TMOD2: variants seen among roughly 807,000 people sequenced by gnomAD.
The protein encoded by TMOD2 is tropomodulin-2.
A neutral mutation model predicts 39.9 loss-of-function variants in TMOD2; 22 were observed. The ratio of observed to expected loss-of-function variants is 0.55; its 90% CI spans 0.39 to 0.79. The LOEUF is 0.79. Among genes scored for constraint, TMOD2 ranks in the 30% least tolerant of loss-of-function variants. TMOD2 has a pLI of 0.00. For synonymous variants in TMOD2, 123 were observed against 146.1 expected (o/e 0.84, Z 1.14); for missense variants, 386 against 413.3 (o/e 0.93, Z 0.57).
intron 3 of TMOD2, among the ~76,000 whole-genome samples, chr15:51,772,162 G>A (rs2055857873): frequency 6.6e-6 from 1 of 152,204 alleles, no homozygotes; most frequent in Non-Finnish European, 1.5e-5. Flanking sequence ...CCATAGGAGT[G>A]GGATAAACCA....
chr15:51,793,777 G>C (rs113180399), intron 7 of TMOD2, among the ~76,000 whole-genome samples: 2,020 of 152,262 alleles, frequency 0.013, 30 homozygotes, highest in African/African-American at 0.033. Context: ...CTCGCCAGGA[G>C]GTCCTGCAAC....
chr15:51,806,331 T>C, intron 8 of TMOD2, 46 bp from the exon 9 acceptor site: 1 of 1,605,894 alleles, frequency 6.2e-7, no homozygotes, highest in Non-Finnish European at 8.5e-7. Context: ...AACTGTTTCC[T>C]CTTCCTTCTT....
At chr15:51,782,985 C>G in intron 7 of TMOD2, 157 bp downstream of exon 7, 1 of 613,816 alleles carries the variant, frequency 1.6e-6, no homozygotes, top group South Asian at 2.0e-5. Flanking sequence ...AGTTAAACTT[C>G]AGAACTGAAC....
intron 1 of TMOD2, among the ~76,000 whole-genome samples, chr15:51,763,102 T>A (rs1595862569): frequency 1.9e-5 from 1 of 52,610 alleles, no homozygotes; most frequent in Non-Finnish European, 4.2e-5. Context: ...GCCCAGCTAA[T>A]TTTTAAAAAA....
chr15:51,787,172 T>G (rs1179370387), intron 7 of TMOD2, among the ~76,000 whole-genome samples: 1 of 152,164 alleles, frequency 6.6e-6, no homozygotes, highest in African/African-American at 2.4e-5. Flanking sequence ...ACCAGGAGAT[T>G]CCCTCCTGTG....
intron 8 of TMOD2, among the ~76,000 whole-genome samples, chr15:51,798,563 C>G (rs1281886630): frequency 2.6e-5 from 4 of 152,188 alleles, no homozygotes; most frequent in African/African-American, 9.7e-5. Flanking sequence ...ACATAAAGAG[C>G]CATCTATCCC....
At chr15:51,783,655 G>T (rs1175144814) in intron 7 of TMOD2, 1 of 152,098 alleles carries the variant, frequency 6.6e-6, no homozygotes, top group Non-Finnish European at 1.5e-5. Flanking sequence ...TTAGGAGGCT[G>T]AGGTGAGACA....
chr15:51,760,778 C>T (rs2055775239), intron 1 of TMOD2, among the ~76,000 whole-genome samples: 1 of 151,920 alleles, frequency 6.6e-6, no homozygotes, highest in Non-Finnish European at 1.5e-5. Context: ...TGCACTCCAG[C>T]CTGGGCAACA....
chr15:51,780,848 A>G (rs2055924706), intron 5 of TMOD2, among the ~76,000 whole-genome samples, 196 bp from the exon 6 acceptor site: 1 of 152,182 alleles, frequency 6.6e-6, no homozygotes, highest in African/African-American at 2.4e-5. Context: ...ATTGCAGTTG[A>G]GAAACACCAG....
chr15:51,760,273 A>G (rs931574877), intron 1 of TMOD2, among the ~76,000 whole-genome samples: 1 of 152,254 alleles, frequency 6.6e-6, no homozygotes. Flanking sequence ...CACTGGGCTA[A>G]AATCAAGGTG....
At chr15:51,756,937 C>T (rs186445551) in intron 1 of TMOD2, among the ~76,000 whole-genome samples, 4 of 152,206 alleles carry the variant, frequency 2.6e-5, no homozygotes, top group Admixed American at 2.0e-4. Context: ...TTATATTTGC[C>T]CAGCAGCCAG....
chr15:51,774,215 C>G (rs961218497), intron 4 of TMOD2, among the ~76,000 whole-genome samples: 1 of 152,114 alleles, frequency 6.6e-6, no homozygotes. Context: ...AGTCATTGTT[C>G]CATTTTGATT....
chr15:51,797,288 T>G (rs548693191), intron 7 of TMOD2, among the ~76,000 whole-genome samples: 13 of 152,174 alleles, frequency 8.5e-5, no homozygotes, highest in Non-Finnish European at 1.6e-4. Context: ...AGGCTCTTCC[T>G]GGGAGACTTC....
At chr15:51,804,769 T>A (rs2056111391) in intron 8 of TMOD2, among the ~76,000 whole-genome samples, 2 of 152,096 alleles carry the variant, frequency 1.3e-5, no homozygotes, top group African/African-American at 4.8e-5. Flanking sequence ...GACAGAGTTT[T>A]GCCATATTGG....
At chr15:51,769,827 G>A (rs1230585353) in intron 3 of TMOD2, among the ~76,000 whole-genome samples, 1 of 152,090 alleles carries the variant, frequency 6.6e-6, no homozygotes, top group Non-Finnish European at 1.5e-5. Flanking sequence ...TTGAGCCAAG[G>A]AGTTCAAGAC....
intron 7 of TMOD2, among the ~76,000 whole-genome samples, chr15:51,794,780 A>G (rs185370256): frequency 2.2e-4 from 34 of 152,318 alleles, no homozygotes; most frequent in Admixed American, 1.1e-3. Flanking sequence ...TTTATTCTCT[A>G]TTATAAAAGA....
intron 1 of TMOD2, among the ~76,000 whole-genome samples, chr15:51,753,800 A>G (rs1278153466): frequency 6.6e-6 from 1 of 151,974 alleles, no homozygotes; most frequent in Non-Finnish European, 1.5e-5. Context: ...CAAGTTCAGG[A>G]ACGTAGCAAA....
At chr15:51,775,613 T>C (rs374346044) in intron 4 of TMOD2, among the ~76,000 whole-genome samples, 32 of 137,420 alleles carry the variant, frequency 2.3e-4, no homozygotes, top group African/African-American at 8.5e-4. Flanking sequence ...AGTCTCACTC[T>C]GTCACCCAGG....
At position 51,808,495 on chromosome 15, in the gene TMOD2, A is replaced by G. The variant is rs2056135415; in HGVS notation, c.*41A>G. On this transcript the variant is annotated 3_prime_UTR_variant, in exon 10 of 10. Coordinates refer to ENST00000249700, the MANE Select transcript of TMOD2 (RefSeq NM_014548.4). ...AGTGAAGTTTCACTGTGGTATGGCC[A>G]TTGAAAAACAAAAACTCTTCTTCTT... is the stretch of plus-strand genomic sequence containing the variant. The G allele has an allele frequency of 6.4e-7, 1 of 1,567,738 alleles. No individual in the cohort carries two copies. Among genetic ancestry groups the G allele is most frequent in the Non-Finnish European group, 8.7e-7 (1 of 1,150,542 alleles).
Sources: allele counts gnomAD v4.1 joint callset (sites outside exome capture counted in the v4.1 genomes callset), GRCh38; gene constraint gnomAD v4.1.1; transcripts MANE v1.5; gene names NCBI Gene and HGNC (gene_info 2026-07-23, HGNC 2026-07-21).